SLC35F4: variants seen among roughly 807,000 people sequenced by gnomAD.
SLC35F4 encodes the protein chromosome 14 open reading frame 36.
SLC35F4 carries 24 observed loss-of-function variants against 44.2 expected under a neutral mutation model. That is an observed-to-expected ratio of 0.54 (90% CI 0.39 to 0.76). The LOEUF is 0.76. Among genes scored for constraint, SLC35F4 ranks in the 30% least tolerant of loss-of-function variants. The pLI, the probability that SLC35F4 is intolerant of heterozygous loss-of-function variation, is 0.00. For missense variants in SLC35F4, 562 were observed against 586.1 expected, an observed-to-expected ratio of 0.96 and a Z score of 0.42; for synonymous variants, 238 against 223.6, an observed-to-expected ratio of 1.06 and a Z score of -0.57.
intron 1 of SLC35F4, among the ~76,000 whole-genome samples, chr14:57,922,905 G>T (rs944749749): frequency 7.9e-5 from 12 of 152,230 alleles, no homozygotes; most frequent in African/African-American, 2.9e-4. Context: ...GTGTTGTCCA[G>T]CATTCTAAGA....
chr14:57,786,514 T>C (rs1455046132), intron 1 of SLC35F4, among the ~76,000 whole-genome samples: 3 of 152,238 alleles, frequency 2.0e-5, no homozygotes, highest in Middle Eastern at 3.4e-3. Flanking sequence ...ACGGAGTCCA[T>C]TGCACTCCCT....
intron 1 of SLC35F4, among the ~76,000 whole-genome samples, chr14:57,838,513 C>T (rs1305561829): frequency 6.6e-6 from 1 of 152,172 alleles, no homozygotes. Flanking sequence ...CTTTACTGAG[C>T]TTTGCTACAT....
intron 1 of SLC35F4, among the ~76,000 whole-genome samples, chr14:57,695,905 T>C (rs1411169737): frequency 6.6e-6 from 1 of 152,078 alleles, no homozygotes; most frequent in Non-Finnish European, 1.5e-5. Context: ...TTTATATTAT[T>C]ATTTTCTAAT....
In SLC35F4 at chr14:57,977,326, T is replaced by C. The variant is rs995781496; in HGVS notation, n.152-369A>G. Among the ~76,000 whole-genome samples the C allele has an allele frequency of 3.9e-5, 6 of 152,288 alleles. No individual in the cohort carries two copies. The East Asian group carries it at 1.2e-3, about 29-fold the overall frequency. The stretch of plus-strand genomic sequence containing the variant: ...CTGCCGCTTGAACCACATGGCCCAA[T>C]GGATACATCATGAGCTAGAGACATC... On this transcript the variant is annotated intron_variant and non_coding_transcript_variant, in intron 1 of 1. Transcript: ENST00000554648.
At chr14:57,800,420 A>C (rs1363321935) in intron 1 of SLC35F4, among the ~76,000 whole-genome samples, 1 of 152,214 alleles carries the variant, frequency 6.6e-6, no homozygotes, top group Non-Finnish European at 1.5e-5. Flanking sequence ...AATCAATGCA[A>C]AAAATGCTAA....
chr14:57,644,561 G>A (rs1029621355), intron 1 of SLC35F4, among the ~76,000 whole-genome samples: 1 of 151,778 alleles, frequency 6.6e-6, no homozygotes, highest in Non-Finnish European at 1.5e-5. Context: ...CCATTCTGTA[G>A]GTTGCCTGTT....
chr14:57,697,090 TAA>T (rs1249138990), intron 1 of SLC35F4, among the ~76,000 whole-genome samples: 2 of 152,156 alleles, frequency 1.3e-5, no homozygotes, highest in African/African-American at 4.8e-5. Context: ...GTAAAATTTT[TAA>T]AAATATATTT....
At chr14:57,717,054 C>G (rs997175814) in intron 1 of SLC35F4, among the ~76,000 whole-genome samples, 1 of 152,216 alleles carries the variant, frequency 6.6e-6, no homozygotes, top group East Asian at 1.9e-4. Flanking sequence ...TTTTATATGA[C>G]TTAATAGTAT....
intron 1 of SLC35F4, among the ~76,000 whole-genome samples, chr14:57,658,740 A>G (rs1216844707): frequency 1.1e-4 from 16 of 152,294 alleles, no homozygotes; most frequent in Non-Finnish European, 7.3e-5. Context: ...TGCTCTACAG[A>G]TATATGGATG....
At chr14:57,680,561 G>C (rs937756072) in intron 1 of SLC35F4, among the ~76,000 whole-genome samples, 1 of 152,088 alleles carries the variant, frequency 6.6e-6, no homozygotes, top group South Asian at 2.1e-4. Context: ...TATTCGAAAA[G>C]GGAAAGAGGA....
chr14:57,666,624 G>C (rs2074317673), intron 1 of SLC35F4, among the ~76,000 whole-genome samples: 1 of 151,914 alleles, frequency 6.6e-6, no homozygotes, highest in African/African-American at 2.4e-5. Context: ...GTTTTTTTAA[G>C]CCACTAGGTT....
At chr14:57,716,423 T>C (rs2075945854) in intron 1 of SLC35F4, among the ~76,000 whole-genome samples, 1 of 152,136 alleles carries the variant, frequency 6.6e-6, no homozygotes, top group Non-Finnish European at 1.5e-5. Context: ...CAGTAGAATA[T>C]AAATAACTCC....
intron 1 of SLC35F4, among the ~76,000 whole-genome samples, chr14:57,874,182 G>T (rs1373268602): frequency 1.3e-5 from 2 of 152,034 alleles, no homozygotes; most frequent in Non-Finnish European, 2.9e-5. Flanking sequence ...GTTTCAAAAG[G>T]ATTTTCTTCT....
chr14:57,913,245 A>G (rs1464925047), intron 1 of SLC35F4, among the ~76,000 whole-genome samples: 2 of 152,028 alleles, frequency 1.3e-5, no homozygotes, highest in African/African-American at 4.8e-5. Context: ...TAGTTGGTGT[A>G]CTTAGATCAC....
chr14:57,646,607 G>A (rs1232999085), intron 1 of SLC35F4, among the ~76,000 whole-genome samples: 1 of 151,920 alleles, frequency 6.6e-6, no homozygotes, highest in African/African-American at 2.4e-5. Flanking sequence ...AGGGTTTTTT[G>A]TGTCTCTATT....
intron 1 of SLC35F4, among the ~76,000 whole-genome samples, chr14:57,746,126 C>T (rs1390102943): frequency 6.6e-6 from 1 of 151,984 alleles, no homozygotes; most frequent in East Asian, 1.9e-4. Flanking sequence ...GAAGATATAT[C>T]TAATGTAAAT....
chr14:57,690,091 TC>T (rs1566766211), intron 1 of SLC35F4, among the ~76,000 whole-genome samples: 1 of 152,168 alleles, frequency 6.6e-6, no homozygotes, highest in Non-Finnish European at 1.5e-5. Flanking sequence ...CTTCTATACT[TC>T]AACTTTTAAG....
At chr14:57,821,895 C>G (rs986861244) in intron 1 of SLC35F4, among the ~76,000 whole-genome samples, 2 of 152,172 alleles carry the variant, frequency 1.3e-5, no homozygotes, top group Non-Finnish European at 2.9e-5. Context: ...AAGCTGGGAG[C>G]AGGGCCAGGA....
chr14:57,731,431 G>T (rs1052872277), intron 1 of SLC35F4, among the ~76,000 whole-genome samples: 1 of 152,194 alleles, frequency 6.6e-6, no homozygotes, highest in Non-Finnish European at 1.5e-5. Flanking sequence ...CTTCATGGGA[G>T]GGTCATCCAG....
Sources: allele counts gnomAD v4.1 joint callset (sites outside exome capture counted in the v4.1 genomes callset), GRCh38; gene constraint gnomAD v4.1.1; transcripts MANE v1.5; gene names NCBI Gene and HGNC (gene_info 2026-07-23, HGNC 2026-07-21).